ADAMTS17: variants seen among roughly 807,000 people sequenced by gnomAD.
The protein encoded by ADAMTS17 is A disintegrin and metalloproteinase with thrombospondin motifs 17.
Under a neutral mutation model 141.5 loss-of-function variants are expected in ADAMTS17, and 113 were observed. The ratio of observed to expected loss-of-function variants is 0.80; its 90% CI spans 0.69 to 0.93. The LOEUF (loss-of-function observed/expected upper bound fraction) is 0.93, where lower values mean the gene tolerates loss of function less well. Among genes scored for constraint, ADAMTS17 ranks in the 40% least tolerant of loss-of-function variants. The probability of loss-of-function intolerance (pLI) is 0.00; values close to 1 mark genes in which losing one functional copy is unlikely to be tolerated. For synonymous variants in ADAMTS17, 768 were observed against 630.6 expected (o/e 1.22, Z -3.27); for missense variants, 1,659 against 1,517.9 (o/e 1.09, Z -1.54).
intron 7 of ADAMTS17, among the ~76,000 whole-genome samples, chr15:100,233,141 C>T (rs1427379391): frequency 6.6e-6 from 1 of 152,078 alleles, no homozygotes; most frequent in Non-Finnish European, 1.5e-5. Flanking sequence ...CTAGTCTGTC[C>T]AACATGGTGA....
chr15:100,206,674 G>C (rs528635478), intron 7 of ADAMTS17, among the ~76,000 whole-genome samples: 1 of 152,220 alleles, frequency 6.6e-6, no homozygotes, highest in South Asian at 2.1e-4. Flanking sequence ...GTATGTTTTG[G>C]CTAAAAATAA....
At chr15:100,278,615 T>A (rs1342038553) in intron 4 of ADAMTS17, among the ~76,000 whole-genome samples, 1 of 151,914 alleles carries the variant, frequency 6.6e-6, no homozygotes. Context: ...CAGAGCACAA[T>A]AGGGGTGAGG....
rs555504505 is a variant in ADAMTS17 at position 100,225,408 on chromosome 15, C to T, written c.1076-25985G>A. 9.8e-5 allele frequency among the ~76,000 whole-genome samples: 15 copies of T among 152,384 alleles called. No homozygotes were observed. In the South Asian group the frequency reaches 3.1e-3, roughly 32 times the overall value. On this transcript the variant is annotated intron_variant, in intron 7 of 21. Coordinates refer to ENST00000268070, the MANE Select transcript of ADAMTS17 (RefSeq NM_139057.4). ...CTTCCCCGATGGTTCAGAAAGAAACCCCAGCAGCAGCCATTCATGCAGTCC... is the reference window on the plus strand; with the variant it reads ...CTTCCCCGATGGTTCAGAAAGAAACTCCAGCAGCAGCCATTCATGCAGTCC...
intron 7 of ADAMTS17, among the ~76,000 whole-genome samples, chr15:100,206,330 G>C (rs1312091540): frequency 1.3e-5 from 2 of 152,208 alleles, no homozygotes; most frequent in Non-Finnish European, 2.9e-5. Flanking sequence ...GTGTGCACTT[G>C]AGTGTACGTC....
intron 18 of ADAMTS17, among the ~76,000 whole-genome samples, chr15:100,017,628 T>C (rs1471667432): frequency 3.9e-5 from 6 of 152,230 alleles, no homozygotes; most frequent in African/African-American, 1.4e-4. Flanking sequence ...AAAACAGACC[T>C]TCATTTTCTC....
At chr15:99,981,761 T>C (rs1198256513) in intron 20 of ADAMTS17, among the ~76,000 whole-genome samples, 1 of 152,242 alleles carries the variant, frequency 6.6e-6, no homozygotes, top group South Asian at 2.1e-4. Context: ...TTTTAGTGTG[T>C]TCTATAGTAA....
At chr15:100,125,120 G>C (rs2141198946) in intron 12 of ADAMTS17, among the ~76,000 whole-genome samples, 1 of 152,332 alleles carries the variant, frequency 6.6e-6, no homozygotes, top group East Asian at 1.9e-4. Context: ...AAACCTGGCA[G>C]TTCTGGTCCC....
chr15:99,994,437 C>T (rs1321100397), intron 19 of ADAMTS17, among the ~76,000 whole-genome samples: 1 of 143,286 alleles, frequency 7.0e-6, no homozygotes, highest in Admixed American at 6.9e-5. Flanking sequence ...GGGAAACATA[C>T]AGACCCCAAT....
chr15:100,118,836 T>G (rs1227375238), intron 12 of ADAMTS17, among the ~76,000 whole-genome samples: 3 of 152,210 alleles, frequency 2.0e-5, no homozygotes, highest in East Asian at 3.9e-4. Context: ...AGGCAGCAGA[T>G]GCAGCATGGC....
chr15:100,322,725 A>T (rs2045767420), intron 3 of ADAMTS17, among the ~76,000 whole-genome samples: 5 of 152,238 alleles, frequency 3.3e-5, no homozygotes, highest in Admixed American at 2.6e-4. Context: ...AGGAAATTGC[A>T]GCAGAAATAC....
chr15:100,333,755 T>C (rs374598904), intron 2 of ADAMTS17, among the ~76,000 whole-genome samples: 11 of 152,216 alleles, frequency 7.2e-5, no homozygotes, highest in African/African-American at 2.4e-4. Context: ...AGGGAAATGT[T>C]TGTCCAAGGC....
chr15:100,309,763 C>A (rs2045343931), intron 3 of ADAMTS17, among the ~76,000 whole-genome samples: 1 of 152,226 alleles, frequency 6.6e-6, no homozygotes, highest in South Asian at 2.1e-4. Context: ...TTCCTCCTCT[C>A]CTCCAGAACT....
intron 4 of ADAMTS17, among the ~76,000 whole-genome samples, chr15:100,273,737 A>G (rs2043989335): frequency 6.6e-6 from 1 of 152,190 alleles, no homozygotes; most frequent in South Asian, 2.1e-4. Flanking sequence ...AAGGAATAAA[A>G]TAGCTTGTTC....
chr15:100,001,892 C>T (rs1430045874), intron 18 of ADAMTS17, among the ~76,000 whole-genome samples: 16 of 144,388 alleles, frequency 1.1e-4, no homozygotes, highest in Non-Finnish European at 1.8e-4. Context: ...CTGTCTGGAC[C>T]GGGGAGGCAG....
At chr15:100,196,810 G>A (rs1396096446) in intron 8 of ADAMTS17, among the ~76,000 whole-genome samples, 1 of 152,146 alleles carries the variant, frequency 6.6e-6, no homozygotes, top group Non-Finnish European at 1.5e-5. Context: ...GCAACCAGAG[G>A]GGCCTGCTGA....
intron 2 of ADAMTS17, among the ~76,000 whole-genome samples, chr15:100,337,524 A>C (rs2046243221): frequency 6.6e-6 from 1 of 152,220 alleles, no homozygotes; most frequent in African/African-American, 2.4e-5. Flanking sequence ...GGTGACCTGG[A>C]ACGCGGTTAT....
At chr15:100,243,890 TCAC>T (rs749779337) in intron 7 of ADAMTS17, among the ~76,000 whole-genome samples, 1 of 151,614 alleles carries the variant, frequency 6.6e-6, no homozygotes, top group African/African-American at 2.4e-5. Flanking sequence ...GCTTTAACCC[TCAC>T]AACAACCCTA....
chr15:100,086,561 C>A (rs576248001), intron 15 of ADAMTS17, among the ~76,000 whole-genome samples: 80 of 152,252 alleles, frequency 5.3e-4, no homozygotes, highest in African/African-American at 1.6e-3. Context: ...CAGCACCACA[C>A]CACACTTATT....
At chr15:99,986,893 C>A (rs1037144850) in intron 20 of ADAMTS17, among the ~76,000 whole-genome samples, 16 of 152,204 alleles carry the variant, frequency 1.1e-4, no homozygotes, top group Non-Finnish European at 2.2e-4. Context: ...AAGGCAGCTG[C>A]AGGTCATTTT....
Sources: allele counts gnomAD v4.1 joint callset (sites outside exome capture counted in the v4.1 genomes callset), GRCh38; gene constraint gnomAD v4.1.1; transcripts MANE v1.5; gene names NCBI Gene and HGNC (gene_info 2026-07-23, HGNC 2026-07-21).